NGEF: variants seen among roughly 807,000 people sequenced by gnomAD.
NGEF encodes the protein ephexin-1.
In NGEF, 31 loss-of-function variants were observed where a neutral mutation model predicts 80.9. The ratio of observed to expected loss-of-function variants is 0.38; its 90% CI spans 0.29 to 0.52. The LOEUF (loss-of-function observed/expected upper bound fraction) is 0.52, where lower values mean the gene tolerates loss of function less well. Among genes scored for constraint, NGEF ranks in the 20% least tolerant of loss-of-function variants. The probability of loss-of-function intolerance (pLI) is 0.84; values close to 1 mark genes in which losing one functional copy is unlikely to be tolerated. For synonymous variants in NGEF, 371 were observed against 370.2 expected (o/e 1.00, Z -0.03); for missense variants, 709 against 926.2 (o/e 0.77, Z 3.04).
At chr2:232,926,958 C>T in intron 4 of NGEF, 86 bp downstream of exon 4, 2 of 1,539,272 alleles carry the variant, frequency 1.3e-6, no homozygotes, top group Non-Finnish European at 1.8e-6. Context: ...TGAAACACAA[C>T]GGCATCCCAT....
At chr2:232,995,014 T>C (rs2106337399) in intron 1 of NGEF, among the ~76,000 whole-genome samples, 1 of 31,814 alleles carries the variant, frequency 3.1e-5, no homozygotes, top group Non-Finnish European at 1.0e-4. Flanking sequence ...GTATAATACA[T>C]ATATGTATAC....
intron 9 of NGEF, among the ~76,000 whole-genome samples, chr2:232,885,998 A>G (rs1691669514): frequency 6.6e-6 from 1 of 152,280 alleles, no homozygotes; most frequent in South Asian, 2.1e-4. Flanking sequence ...ACAGAAATCC[A>G]GGAAAGAGGC....
Position 232,974,809 on chromosome 2 carries a change from C to T in NGEF, c.82G>A (p.Ala28Thr). Residue 28 changes from alanine to threonine, a missense_variant, in exon 2 of 15, where the codon GCC (alanine) becomes ACC (threonine). By Grantham distance (58) the Ala-to-Thr change is moderately conservative. This residue lies in a region of NGEF where 283 missense variants were observed against 303.4 expected (regional missense o/e 0.93). Transcript: ENST00000264051. Reference protein sequence around the residue: ...SDQWNTDNEPAKVKPELLPEK... With the variant: ...SDQWNTDNEPTKVKPELLPEK... The stretch of plus-strand genomic sequence containing the variant: ...GGGAGTAACTCAGGTTTCACCTTGG[C>T]TGGTTCATTATCAGTGTTCCATTGA... The T allele has an allele frequency of 6.2e-7, 1 of 1,614,230 alleles. No homozygotes were observed. The highest frequency in any genetic ancestry group is 8.5e-7 in the Non-Finnish European group (1 of 1,180,036).
intron 3 of NGEF, among the ~76,000 whole-genome samples, chr2:232,955,623 A>C (rs1384831877): frequency 6.6e-6 from 1 of 152,136 alleles, no homozygotes; most frequent in Non-Finnish European, 1.5e-5. Context: ...AGTTCAAGCA[A>C]TTCTTGTGCC....
chr2:232,940,359 C>T (rs937771212), intron 3 of NGEF, among the ~76,000 whole-genome samples: 1 of 152,188 alleles, frequency 6.6e-6, no homozygotes, highest in East Asian at 1.9e-4. Context: ...GTGGAATTCA[C>T]CAAGGGGTGG....
chr2:232,966,533 T>G (rs1694062414), intron 3 of NGEF, among the ~76,000 whole-genome samples: 1 of 151,982 alleles, frequency 6.6e-6, no homozygotes, highest in African/African-American at 2.4e-5. Flanking sequence ...GATTTCCAAG[T>G]AGATCCATTG....
chr2:232,992,993 A>G (rs1219130816), intron 1 of NGEF, among the ~76,000 whole-genome samples: 1 of 124,442 alleles, frequency 8.0e-6, no homozygotes, highest in Admixed American at 8.8e-5. Flanking sequence ...CCTGAAGTAT[A>G]TATATATATA....
chr2:232,907,019 C>T (rs1299789052), intron 5 of NGEF, among the ~76,000 whole-genome samples: 1 of 151,508 alleles, frequency 6.6e-6, no homozygotes, highest in South Asian at 2.1e-4. Flanking sequence ...TCCCTAATCT[C>T]AAGTACCCAG....
chr2:232,946,062 G>GATATAT (rs71398758), intron 3 of NGEF, among the ~76,000 whole-genome samples: 11 of 147,180 alleles, frequency 7.5e-5, no homozygotes, highest in South Asian at 2.1e-4. Context: ...ATATATATCT[G>GATATAT]ATATATATAT....
chr2:232,897,774 C>T (rs957918489), intron 5 of NGEF, among the ~76,000 whole-genome samples: 9 of 152,216 alleles, frequency 5.9e-5, no homozygotes, highest in African/African-American at 1.2e-4. Flanking sequence ...GTGGCCTCTC[C>T]GTGGCCATCC....
intron 5 of NGEF, among the ~76,000 whole-genome samples, chr2:232,898,838 G>A (rs1403956387): frequency 6.6e-6 from 1 of 152,256 alleles, no homozygotes; most frequent in East Asian, 1.9e-4. Flanking sequence ...GTGGGAATGA[G>A]TGTATGTGTG....
chr2:232,999,934 A>G (rs191300476), intron 1 of NGEF, among the ~76,000 whole-genome samples: 7 of 152,268 alleles, frequency 4.6e-5, no homozygotes, highest in African/African-American at 1.4e-4. Flanking sequence ...AAAAATGACA[A>G]CACTAATATT....
chr2:232,996,278 A>C (rs1694844259), intron 1 of NGEF, among the ~76,000 whole-genome samples: 1 of 152,152 alleles, frequency 6.6e-6, no homozygotes, highest in Admixed American at 6.5e-5. Context: ...CAATGAGCTG[A>C]GATTGTGCCG....
At chr2:232,913,844 T>C (rs1200935096) in intron 5 of NGEF, among the ~76,000 whole-genome samples, 1 of 151,994 alleles carries the variant, frequency 6.6e-6, no homozygotes, top group Non-Finnish European at 1.5e-5. Flanking sequence ...CACTTGAACC[T>C]GGGAGGCAGA....
chr2:232,949,167 C>T (rs950967200), intron 3 of NGEF, among the ~76,000 whole-genome samples: 34 of 152,180 alleles, frequency 2.2e-4, no homozygotes, highest in African/African-American at 7.7e-4. Flanking sequence ...GGGAGCTCTG[C>T]GGAGCCAGGA....
At chr2:232,909,036 A>G (rs1559205064) in intron 5 of NGEF, among the ~76,000 whole-genome samples, 1 of 152,180 alleles carries the variant, frequency 6.6e-6, no homozygotes, top group Non-Finnish European at 1.5e-5. Flanking sequence ...CGGTAGATAA[A>G]GACATTCCTT....
At chr2:232,895,690 C>G (rs1271425486) in intron 5 of NGEF, among the ~76,000 whole-genome samples, 1 of 152,176 alleles carries the variant, frequency 6.6e-6, no homozygotes, top group Non-Finnish European at 1.5e-5. Context: ...CGGCCAGTGT[C>G]AAGCACGAGT....
At chr2:232,946,448 A>C (rs1693560262) in intron 3 of NGEF, among the ~76,000 whole-genome samples, 2 of 152,218 alleles carry the variant, frequency 1.3e-5, no homozygotes, top group African/African-American at 2.4e-5. Context: ...AAAATTTTCA[A>C]AAAAAGAAAA....
At chr2:232,994,948 A>AATAC (rs1262902342) in intron 1 of NGEF, among the ~76,000 whole-genome samples, 1 of 138,982 alleles carries the variant, frequency 7.2e-6, no homozygotes, top group Non-Finnish European at 1.6e-5. Context: ...ACACACATAT[A>AATAC]ATACATACAT....
Sources: gnomAD v4.1 joint callset for allele counts (sites outside exome capture counted in the v4.1 genomes callset) on GRCh38, gnomAD v4.1.1 for gene constraint, gnomAD v4.1.1 regional missense constraint, MANE v1.5 for transcripts, NCBI Gene and HGNC (gene_info 2026-07-23, HGNC 2026-07-21) for gene names.